Variants in MLLT6 observed in about 807,000 individuals in gnomAD.
MLLT6 encodes protein AF-17.
A neutral mutation model predicts 103.0 loss-of-function variants in MLLT6; 22 were observed. The ratio of observed to expected loss-of-function variants is 0.21; its 90% CI spans 0.15 to 0.31. MLLT6 has a LOEUF of 0.31. Among genes scored for constraint, MLLT6 ranks in the 10% least tolerant of loss-of-function variants. The pLI is 1.00. For synonymous variants in MLLT6, 606 were observed against 623.5 expected, an observed-to-expected ratio of 0.97 and a Z score of 0.42; for missense variants, 1,199 against 1,441.7, an observed-to-expected ratio of 0.83 and a Z score of 2.73.
chr17:38,728,157 C>G lies in MLLT6; in HGVS notation c.*2559C>G, dbSNP rs906395660. 1 of 233,150 alleles carries G rather than the reference C, an allele frequency of 4.3e-6. No homozygotes were observed. Among genetic ancestry groups the G allele is most frequent in the Non-Finnish European group, 8.5e-6 (1 of 118,090 alleles). The allele number at this position is 233,150 out of a possible 1,614,324, so 14.4% of individuals were successfully genotyped here. On this transcript the variant is annotated 3_prime_UTR_variant, in exon 20 of 20. Coordinates refer to ENST00000621332, the MANE Select transcript of MLLT6 (RefSeq NM_005937.4). ...AGACGGGGCCCAGGCTGGGTATGAA[C>G]GGGTGCAGCCCTCTTCTCCTCTTCC...
In MLLT6 at chr17:38,705,452, AGGAGGAGGAGGAGGACGC is replaced by A; in HGVS notation, c.-168_-151del. The A allele has an allele frequency of 2.5e-6, 1 of 392,866 alleles. No homozygotes were observed. The highest frequency in any genetic ancestry group is 4.6e-6 in the Non-Finnish European group (1 of 215,554). The allele number at this position is 392,866 out of a possible 1,614,324, so 24.3% of individuals were successfully genotyped here. The stretch of plus-strand genomic sequence containing the variant: ...GGGCGGCCAGACAGAGCGAGCGAGG[AGGAGGAGGAGGAGGACGC>A]GGAGGAGGAGGAAGGAGGAGGCAAA... On this transcript the variant is annotated 5_prime_UTR_variant, in exon 1 of 20. Transcript: ENST00000621332.
intron 19 of MLLT6, 71 bp downstream of exon 19, chr17:38,725,047 TATC>T (rs2143715118): frequency 9.0e-7 from 1 of 1,114,604 alleles, no homozygotes; most frequent in African/African-American, 1.6e-5. Context: ...TCAGAAGGCT[TATC>T]ATCAGGTACC....
At position 38,716,696 on chromosome 17, in the gene MLLT6, G is replaced by C; in HGVS notation, c.1366G>C (p.Asp456His). The C allele has an allele frequency of 3.1e-6, 5 of 1,612,438 alleles. No homozygotes were observed. Among genetic ancestry groups the C allele is most frequent in the Non-Finnish European group, 4.2e-6 (5 of 1,179,462 alleles). Residue 456 changes from aspartate (D) to histidine (H), a missense_variant, in exon 10 of 20, where the codon GAT becomes CAT. Asp to His is a moderately conservative substitution (Grantham distance 81). Transcript: ENST00000621332. The surrounding 1 kb of genome is among the most constrained non-coding windows in gnomAD (Gnocchi z 5.6). Reference protein sequence around the residue: ...PALSATPVPADETPETGLKEK... With the variant: ...PALSATPVPAHETPETGLKEK... ...ACTGAGTGCCACCCCTGTGCCTGCT[G>C]ATGAGACCCCTGAGACAGGCCTGAA...
Position 38,717,943 on chromosome 17 carries a change from C to T in MLLT6, c.1932C>T (p.Ser644=), listed in dbSNP as rs750955288. 1.2e-6 allele frequency: 2 copies of T among 1,605,204 alleles called. No individual in the cohort carries two copies. The highest frequency in any genetic ancestry group is 1.3e-5 in the African/African-American group (1 of 74,744). The change falls in exon 12 of 20, where the codon AGC becomes AGT. Residue 644 remains serine, a synonymous_variant. Transcript: ENST00000621332. ...ATCCCCTCCTCTCCCAAGCTGAGAGCAGCCACACAGGTATGTGAATATCTG... is the reference window on the plus strand; with the variant it reads ...ATCCCCTCCTCTCCCAAGCTGAGAGTAGCCACACAGGTATGTGAATATCTG... ...AVNPLLSQAE[S]SHTEPDLEDC...
intron 11 of MLLT6, 79 bp from the exon 12 acceptor site, chr17:38,717,765 CG>C: frequency 7.2e-7 from 1 of 1,396,192 alleles, no homozygotes. Flanking sequence ...CCAGCACACC[CG>C]GCCCCCTGCA....
chr17:38,711,028 A>G (rs752620881), intron 6 of MLLT6, among the ~76,000 whole-genome samples: 6 of 152,126 alleles, frequency 3.9e-5, no homozygotes, highest in Non-Finnish European at 8.8e-5. Context: ...GCGGGCCACG[A>G]AAGAGGGGGC....
rs1187907773 is a variant in MLLT6 at position 38,727,102 on chromosome 17, T to A, written c.*1504T>A. The A allele has an allele frequency of 4.3e-5, 10 of 232,946 alleles. No individual in the cohort carries two copies. Among genetic ancestry groups the A allele is most frequent in the Non-Finnish European group, 8.5e-5 (10 of 117,938 alleles). The allele number at this position is 232,946 out of a possible 1,614,324, so 14.4% of individuals were successfully genotyped here. Reference sequence around the variant, plus strand: ...CTCTTTGCATGTGTGGATTTTTCTGTGTGTGTTTCTGTTTGGGTTTTTGTT... The same window carrying A: ...CTCTTTGCATGTGTGGATTTTTCTGAGTGTGTTTCTGTTTGGGTTTTTGTT... On this transcript the variant is annotated 3_prime_UTR_variant, in exon 20 of 20. Coordinates refer to ENST00000621332, the MANE Select transcript of MLLT6 (RefSeq NM_005937.4).
chr17:38,720,338 C>G, intron 14 of MLLT6, 34 bp from the exon 15 acceptor site: 1 of 1,511,552 alleles, frequency 6.6e-7, no homozygotes, highest in Non-Finnish European at 9.0e-7. Context: ...TCCGCCCCCT[C>G]GCCCCTCCCT....
Position 38,719,841 on chromosome 17 carries a change from A to G in MLLT6, c.2101A>G (p.Thr701Ala), listed in dbSNP as rs1905593505. 1 of 1,611,366 alleles carries G rather than the reference A, an allele frequency of 6.2e-7. No homozygotes were observed. The highest frequency in any genetic ancestry group is 1.1e-5 in the South Asian group (1 of 90,562). The change falls in exon 14 of 20, where the codon ACT becomes GCT. Residue 701 changes from threonine (T) to alanine (A), a missense_variant. By Grantham distance (58) the Thr-to-Ala change is moderately conservative (BLOSUM62 0). Around this residue, in one of 7 missense-constraint regions of MLLT6, gnomAD observed 1,034 missense variants for 1,091.5 expected, o/e 0.95. Transcript: ENST00000621332. ...GTTAGACCCGGCGGCCCCAGGGACG[A>G]CTAACATGGAGCAGCTTCTGGAGAA... ...GQLDPAAPGTTNMEQLLEKQG... is the reference protein window; with the variant it reads ...GQLDPAAPGTANMEQLLEKQG...
At position 38,715,728 on chromosome 17, in the gene MLLT6, G is replaced by T; in HGVS notation, c.936G>T (p.Gly312=). ...CCAGCCATAGCCTGAGTCATAAAGG[G>T]AAGAAACTGAGCAGTGGGAAAGGTG... ...KSSSHSLSHK[G]KKLSSGKGVS... is the part of the protein sequence containing the mutation. Residue 312 remains glycine, a synonymous_variant, in exon 9 of 20, where the codon GGG becomes GGT. Transcript: ENST00000621332. The T allele has an allele frequency of 6.2e-7, 1 of 1,614,144 alleles. No individual in the cohort carries two copies.
rs1905043646 is a variant in MLLT6, at chr17:38,708,956, C to A, written c.355-217C>A. On this transcript the variant is annotated intron_variant, in intron 4 of 19. Coordinates refer to ENST00000621332, the MANE Select transcript of MLLT6 (RefSeq NM_005937.4). ...ACAGTTTAGAATCTAGTTCCTCAGT[C>A]ACGCTAGCCATAGTTCAAGTGCTTA... 9 of 531,020 alleles carry A rather than the reference C, an allele frequency of 1.7e-5. No homozygotes were observed. In the East Asian group the frequency reaches 2.6e-4, roughly 15 times the overall value. The allele number at this position is 531,020 out of a possible 1,614,324, so 32.9% of individuals were successfully genotyped here.
Position 38,725,809 on chromosome 17 carries a change from T to G in MLLT6, c.*211T>G. ...ATCTGGCCCCCTTCCCTTTCCGCACTGTCCGCTTTGTGAGGCTCAGAGGAA... is the reference window on the plus strand; with the variant it reads ...ATCTGGCCCCCTTCCCTTTCCGCACGGTCCGCTTTGTGAGGCTCAGAGGAA... On this transcript the variant is annotated 3_prime_UTR_variant, in exon 20 of 20. Transcript: ENST00000621332. 1 of 516,216 alleles carries G rather than the reference T, an allele frequency of 1.9e-6. No individual in the cohort carries two copies. 32.0% of individuals were successfully genotyped at this position (516,216 alleles called of 1,614,324 possible).
In MLLT6 at chr17:38,716,755, C is replaced by T. The variant is rs1438680421; in HGVS notation, c.1425C>T (p.Arg475=). The T allele has an allele frequency of 1.2e-6, 2 of 1,609,204 alleles. No individual in the cohort carries two copies. Among genetic ancestry groups the T allele is most frequent in the South Asian group, 2.2e-5 (2 of 90,404 alleles). ...AGCACAAAGCCAGCAAGAGGAGCCG[C>T]CATGGGCCAGGCCGTCCCAAGGGCA... The part of the protein sequence containing the change: ...EKKHKASKRS[R]HGPGRPKGSR... The change falls in exon 10 of 20, where the codon CGC becomes CGT. Residue 475 remains arginine, a synonymous_variant. Coordinates refer to ENST00000621332, the MANE Select transcript of MLLT6 (RefSeq NM_005937.4). This position sits in a 1 kb window ranked among gnomAD's most constrained non-coding sequence, Gnocchi z 5.6.
chr17:38,717,990 C>G (rs1189108163), intron 12 of MLLT6, 37 bp downstream of exon 12: 1 of 1,450,246 alleles, frequency 6.9e-7, no homozygotes, highest in East Asian at 2.3e-5. Flanking sequence ...CCTTTCTTCC[C>G]AAAGGTCGGA....
intron 8 of MLLT6, chr17:38,713,168 C>G (rs768671149): frequency 1.6e-6 from 1 of 630,556 alleles, no homozygotes; most frequent in Non-Finnish European, 2.9e-6. Flanking sequence ...CAGGAGGACA[C>G]CCAAAGCTTG....
Position 38,722,870 on chromosome 17 carries a change from G to C in MLLT6, c.2883+102G>C, listed in dbSNP as rs1474337671. On this transcript the variant is annotated intron_variant, in intron 18 of 19. Transcript: ENST00000621332. The stretch of plus-strand genomic sequence containing the variant: ...CCAGGAGAGGGCAGGAGCAGGCAGA[G>C]TGAGGGGAAGCTCTAGGCTGGGCCT... The C allele has an allele frequency of 6.8e-6, 6 of 878,758 alleles. No individual in the cohort carries two copies. In the Admixed American group the frequency reaches 1.2e-4, roughly 18 times the overall value. 54.4% of individuals were successfully genotyped at this position (878,758 alleles called of 1,614,324 possible).
In MLLT6 at chr17:38,726,597, C is replaced by T. The variant is rs8064642; in HGVS notation, c.*999C>T. 2 of 233,806 alleles carry T rather than the reference C, an allele frequency of 8.6e-6. No individual in the cohort carries two copies. The highest frequency in any genetic ancestry group is 1.2e-4 in the East Asian group (2 of 16,578). 14.5% of individuals were successfully genotyped at this position (233,806 alleles called of 1,614,324 possible). On this transcript the variant is annotated 3_prime_UTR_variant, in exon 20 of 20. Coordinates refer to ENST00000621332, the MANE Select transcript of MLLT6 (RefSeq NM_005937.4). ...GAGCAGTACTCCAATATTGGAGAGT[C>T]GCTGGGGGCACAGGGCTTTGAATCA...
intron 6 of MLLT6, 132 bp from the exon 7 acceptor site, chr17:38,711,706 TCATAGAGGA>T: frequency 9.5e-7 from 1 of 1,052,308 alleles, no homozygotes; most frequent in Non-Finnish European, 1.3e-6. Flanking sequence ...GAGCAGAGCA[TCATAGAGGA>T]CATGAGGTCC....
At position 38,722,241 on chromosome 17, in the gene MLLT6, C is replaced by T; in HGVS notation, c.2792+14C>T. ...CTGTCTCAACAGGTGAGGGAGAGCT[C>T]AGCCCTGGGAAGGGGAACAGGGTGG... On this transcript the variant is annotated intron_variant, in intron 17 of 19. Transcript: ENST00000621332. 7.3e-7 allele frequency: 1 copy of T among 1,367,842 alleles called. No homozygotes were observed. The highest frequency in any genetic ancestry group is 1.8e-5 in the South Asian group (1 of 56,958). The allele number at this position is 1,367,842 out of a possible 1,614,324, so 84.7% of individuals were successfully genotyped here.
Sources: gnomAD v4.1 joint callset for allele counts (sites outside exome capture counted in the v4.1 genomes callset) on GRCh38, gnomAD v4.1.1 for gene constraint, gnomAD v4.1.1 regional missense constraint, Gnocchi (gnomAD v3.1) non-coding constraint, MANE v1.5 for transcripts, NCBI Gene and HGNC (gene_info 2026-07-23, HGNC 2026-07-21) for gene names.